Variants in SLC9A3 observed in about 807,000 individuals in gnomAD.
SLC9A3 encodes solute carrier family 9 member A3.
SLC9A3 carries 37 observed loss-of-function variants against 86.8 expected under a neutral mutation model. The observed-to-expected ratio is 0.43, with a 90% CI of 0.33 to 0.56. SLC9A3 has a LOEUF of 0.56. Among genes scored for constraint, SLC9A3 ranks in the 20% least tolerant of loss-of-function variants. The pLI, the probability that SLC9A3 is intolerant of heterozygous loss-of-function variation, is 0.06. For missense variants in SLC9A3, 1,011 were observed against 1,171.9 expected, an observed-to-expected ratio of 0.86 and a Z score of 2.00; for synonymous variants, 581 against 528.3, an observed-to-expected ratio of 1.10 and a Z score of -1.37.
At chr5:479,030 C>CT (rs1560951408) in intron 10 of SLC9A3, 1 of 153,562 alleles carries the variant, frequency 6.5e-6, no homozygotes, top group African/African-American at 2.4e-5. Context: ...CACTGGCCCT[C>CT]TGTGTGAGGG....
At chr5:512,594 AC>A (rs1733587983) in intron 1 of SLC9A3, among the ~76,000 whole-genome samples, 1 of 152,174 alleles carries the variant, frequency 6.6e-6, no homozygotes, top group Non-Finnish European at 1.5e-5. Flanking sequence ...GGGGGGTGGA[AC>A]GGCTGGGGTG....
chr5:492,040 C>T lies in SLC9A3; in HGVS notation c.243G>A (p.Val81=), dbSNP rs1213220420. Residue 81 remains valine (V), a synonymous_variant, in exon 2 of 17, where the codon GTG becomes GTA. Coordinates refer to ENST00000264938, the MANE Select transcript of SLC9A3 (RefSeq NM_004174.4). ...CGATGAGCAGGGCGCTCTCGGGAACCACGCTGGTGACCTTGTGGGACAGGT... is the reference window on the plus strand; with the variant it reads ...CGATGAGCAGGGCGCTCTCGGGAACTACGCTGGTGACCTTGTGGGACAGGT... ...GFHLSHKVTS[V]VPESALLIVL... 6.4e-7 allele frequency: 1 copy of T among 1,552,590 alleles called. No individual in the cohort carries two copies. The highest frequency in any genetic ancestry group is 1.8e-5 in the Admixed American group (1 of 54,388).
chr5:509,709 T>C (rs1740793378), intron 1 of SLC9A3, among the ~76,000 whole-genome samples: 2 of 151,958 alleles, frequency 1.3e-5, no homozygotes, highest in African/African-American at 2.4e-5. Flanking sequence ...AAGTTAGCTG[T>C]ACCCCAAAGC....
At chr5:507,255 G>T (rs1255485367) in intron 1 of SLC9A3, among the ~76,000 whole-genome samples, 13 of 117,046 alleles carry the variant, frequency 1.1e-4, no homozygotes, top group Non-Finnish European at 1.8e-4. Flanking sequence ...TGCAAGCTCC[G>T]CTCCCGGGTT....
chr5:490,263 G>A (rs562799154), intron 2 of SLC9A3, among the ~76,000 whole-genome samples: 121 of 74,206 alleles, frequency 1.6e-3, no homozygotes, highest in African/African-American at 7.1e-3. Context: ...CCTGGGACAC[G>A]TGTTTCTCAT....
chr5:482,031 GCA>G (rs774383108), intron 8 of SLC9A3, 35 bp downstream of exon 8: 2 of 308,178 alleles, frequency 6.5e-6, no homozygotes, highest in Non-Finnish European at 1.2e-5. Flanking sequence ...CGAGGAACAC[GCA>G]GTGCCCCCCC....
At position 522,756 on chromosome 5, in the gene SLC9A3, GA is replaced by G. The variant is rs927046344; in HGVS notation, c.211+1355del. Among the ~76,000 whole-genome samples, 5 of 144,500 alleles carry G rather than the reference GA, an allele frequency of 3.5e-5. No homozygotes were observed. In the South Asian group the frequency reaches 6.6e-4, roughly 19 times the overall value. 94.8% of individuals were successfully genotyped at this position (144,500 alleles called of 152,430 possible). A position where few individuals can be genotyped will look rare whatever the true frequency, so the allele number is the denominator to read the frequency against. The stretch of plus-strand genomic sequence containing the variant: ...TTCTATCTCAAAAAAAAAAAAAAAA[GA>G]AAAAAAAAGAAATTACCTTTTCAGT... On this transcript the variant is annotated intron_variant, in intron 1 of 16. Transcript: ENST00000264938.
intron 10 of SLC9A3, chr5:477,690 C>G: frequency 2.1e-6 from 1 of 470,140 alleles, no homozygotes. Flanking sequence ...AGAGGTCATG[C>G]TTGTGGGAGG....
At chr5:485,471 C>T (rs1387548472) in intron 3 of SLC9A3, among the ~76,000 whole-genome samples, 1 of 152,238 alleles carries the variant, frequency 6.6e-6, no homozygotes, top group Non-Finnish European at 1.5e-5. Flanking sequence ...CAAAGCTGGC[C>T]TCTTCCTATC....
chr5:505,463 T>G (rs868329814), intron 1 of SLC9A3, among the ~76,000 whole-genome samples: 2 of 774 alleles, frequency 2.6e-3, no homozygotes, highest in South Asian at 0.025. Flanking sequence ...GAGTGACTGT[T>G]GGGGGGTGGA....
At chr5:476,779 GCC>G in intron 11 of SLC9A3, 107 bp from the exon 12 acceptor site, 1 of 1,399,514 alleles carries the variant, frequency 7.1e-7, no homozygotes, top group South Asian at 1.3e-5. Flanking sequence ...CCTCCTGCGT[GCC>G]CCTCGCCTTC....
chr5:516,570 T>C (rs1020867179), intron 1 of SLC9A3, among the ~76,000 whole-genome samples: 2 of 152,174 alleles, frequency 1.3e-5, no homozygotes, highest in Non-Finnish European at 2.9e-5. Flanking sequence ...AGGATGGGGC[T>C]GGGTTTGTCT....
intron 2 of SLC9A3, among the ~76,000 whole-genome samples, chr5:489,128 G>C (rs78065911): frequency 6.6e-6 from 1 of 152,170 alleles, no homozygotes; most frequent in African/African-American, 2.4e-5. Context: ...TTCAGGCCTC[G>C]AGGAGGCCAC....
chr5:513,063 G>A (rs1733609308), intron 1 of SLC9A3, among the ~76,000 whole-genome samples: 1 of 152,190 alleles, frequency 6.6e-6, no homozygotes, highest in African/African-American at 2.4e-5. Context: ...ATTGCCTCCT[G>A]CAGCGATACT....
Position 473,160 on chromosome 5 carries a change from GCAGGCCCCGCCCCCGGCT to G in SLC9A3, c.*201_*218del. 1 of 404,106 alleles carries G rather than the reference GCAGGCCCCGCCCCCGGCT, an allele frequency of 2.5e-6. No individual in the cohort carries two copies. Among genetic ancestry groups the G allele is most frequent in the Non-Finnish European group, 4.0e-6 (1 of 253,076 alleles). 25.0% of individuals were successfully genotyped at this position (404,106 alleles called of 1,614,324 possible). ...TCGGCGCTCCGGCCCCGCCCCCGGC[GCAGGCCCCGCCCCCGGCT>G]CGCCCTCGGGCGGCTCTGCGGGCGC... On this transcript the variant is annotated 3_prime_UTR_variant, in exon 17 of 17. Coordinates refer to ENST00000264938, the MANE Select transcript of SLC9A3 (RefSeq NM_004174.4).
At chr5:512,584 G>C (rs768293572) in intron 1 of SLC9A3, among the ~76,000 whole-genome samples, 3 of 152,202 alleles carry the variant, frequency 2.0e-5, no homozygotes, top group Non-Finnish European at 4.4e-5. Flanking sequence ...TAGGGGGAGT[G>C]GGGGGTGGAA....
chr5:519,889 C>T (rs1026282640), intron 1 of SLC9A3, among the ~76,000 whole-genome samples: 5 of 152,314 alleles, frequency 3.3e-5, no homozygotes, highest in Non-Finnish European at 5.9e-5. Context: ...TGTGCCCTAG[C>T]GTCCTCCTGA....
chr5:473,770 CCA>C lies in SLC9A3; in HGVS notation c.2502-390_2502-389del, dbSNP rs1304299560. Among the ~76,000 whole-genome samples the C allele has an allele frequency of 2.6e-5, 4 of 152,224 alleles. No individual in the cohort carries two copies. The East Asian group carries it at 7.7e-4, about 29-fold the overall frequency. On this transcript the variant is annotated intron_variant, in intron 16 of 16. Coordinates refer to ENST00000264938, the MANE Select transcript of SLC9A3 (RefSeq NM_004174.4). Reference sequence around the variant, plus strand: ...GGCCCCCAGAGGGAGCTCAGAAAGCCCAGACCCCACGGCCCGCCCCTCTCCCT... The same window carrying C: ...GGCCCCCAGAGGGAGCTCAGAAAGCCGACCCCACGGCCCGCCCCTCTCCCT...
At position 470,883 on chromosome 5, in the gene SLC9A3, A is replaced by C. The variant is rs1012777123; in HGVS notation, c.*2496T>G. On this transcript the variant is annotated 3_prime_UTR_variant, in exon 17 of 17. Transcript: ENST00000264938. ...TCAGTATTAAATAGATATCCTAATAAAAGTTTTTACAAGTTTTCCTAAGGA... is the reference window on the plus strand; with the variant it reads ...TCAGTATTAAATAGATATCCTAATACAAGTTTTTACAAGTTTTCCTAAGGA... The C allele has an allele frequency of 5.3e-5, 8 of 152,358 alleles. No homozygotes were observed. Among genetic ancestry groups the C allele is most frequent in the African/African-American group, 1.4e-4 (6 of 41,454 alleles). 9.4% of individuals were successfully genotyped at this position (152,358 alleles called of 1,614,324 possible). A position where few individuals can be genotyped will look rare whatever the true frequency, so the allele number is the denominator to read the frequency against.
Sources: gnomAD v4.1 joint callset for allele counts (sites outside exome capture counted in the v4.1 genomes callset) on GRCh38, gnomAD v4.1.1 for gene constraint, MANE v1.5 for transcripts, NCBI Gene and HGNC (gene_info 2026-07-23, HGNC 2026-07-21) for gene names.